The following CEP112 variants were observed in gnomAD, a reference collection of about 807,000 sequenced individuals.
CEP112 encodes the protein centrosomal protein 112.
CEP112 carries 127 observed loss-of-function variants against 153.0 expected under a neutral mutation model. That is an observed-to-expected ratio of 0.83 (90% CI 0.72 to 0.96). The LOEUF (loss-of-function observed/expected upper bound fraction) is 0.96. Among genes scored for constraint, CEP112 ranks in the 40% least tolerant of loss-of-function variants. The pLI is 0.00. For missense variants in CEP112, 1,089 were observed against 1,101.2 expected (o/e 0.99, Z 0.16); for synonymous variants, 358 against 374.4 (o/e 0.96, Z 0.51).
chr17:65,647,577 A>G (rs2045510199), intron 24 of CEP112, among the ~76,000 whole-genome samples: 1 of 150,580 alleles, frequency 6.6e-6, no homozygotes, highest in Non-Finnish European at 1.5e-5. Context: ...CCGAGGCTCA[A>G]GTGATCCTCC....
intron 23 of CEP112, among the ~76,000 whole-genome samples, chr17:65,738,124 C>T (rs1465609490): frequency 6.6e-6 from 1 of 152,150 alleles, no homozygotes; most frequent in Non-Finnish European, 1.5e-5. Flanking sequence ...AAGACAGCAC[C>T]ATCCAATCAA....
At chr17:66,118,089 G>A (rs531201996) in intron 6 of CEP112, among the ~76,000 whole-genome samples, 47 of 152,150 alleles carry the variant, frequency 3.1e-4, no homozygotes, top group Non-Finnish European at 5.0e-4. Flanking sequence ...AGCCACTATG[G>A]AGAACAGTAT....
At chr17:66,017,494 C>T (rs1390866622) in intron 16 of CEP112, among the ~76,000 whole-genome samples, 1 of 152,166 alleles carries the variant, frequency 6.6e-6, no homozygotes, top group African/African-American at 2.4e-5. Context: ...CTAGCCCATA[C>T]TCCAATAGTC....
chr17:65,660,177 C>CTCCTTCCT (rs71158401), intron 24 of CEP112, among the ~76,000 whole-genome samples: 5,531 of 139,414 alleles, frequency 0.04, 308 homozygotes, highest in African/African-American at 0.12. Context: ...ACCTTGATTT[C>CTCCTTCCT]TCCTTCCTTC....
intron 24 of CEP112, chr17:65,661,946 G>T (rs780410542): frequency 7.3e-6 from 1 of 137,634 alleles, no homozygotes; most frequent in Non-Finnish European, 1.6e-5. Context: ...GTGTGTGTGT[G>T]TGTATATATA....
At chr17:65,958,103 C>T (rs2098213869) in intron 18 of CEP112, among the ~76,000 whole-genome samples, 1 of 152,042 alleles carries the variant, frequency 6.6e-6, no homozygotes, top group South Asian at 2.1e-4. Context: ...TTTGTTTCTA[C>T]TTCTTTGGGG....
At chr17:65,984,081 C>A (rs1340805110) in intron 17 of CEP112, among the ~76,000 whole-genome samples, 1 of 152,128 alleles carries the variant, frequency 6.6e-6, no homozygotes, top group Non-Finnish European at 1.5e-5. Context: ...CTATCATTAT[C>A]TTTCAGTTTT....
At chr17:66,086,665 G>A (rs1305947335) in intron 8 of CEP112, among the ~76,000 whole-genome samples, 2 of 151,336 alleles carry the variant, frequency 1.3e-5, no homozygotes, top group African/African-American at 4.9e-5. Flanking sequence ...CTAAAGTGCT[G>A]GGATTACAGG....
intron 21 of CEP112, among the ~76,000 whole-genome samples, chr17:65,766,019 T>C (rs1332966869): frequency 6.7e-6 from 1 of 148,340 alleles, no homozygotes; most frequent in Non-Finnish European, 1.5e-5. Context: ...GAAAAGAAAA[T>C]GTATGAATTG....
At chr17:66,067,906 G>T (rs754776366) in intron 9 of CEP112, among the ~76,000 whole-genome samples, 1 of 152,098 alleles carries the variant, frequency 6.6e-6, no homozygotes. Context: ...CCCTGGATCC[G>T]CCCACAAGCA....
intron 8 of CEP112, among the ~76,000 whole-genome samples, chr17:66,083,801 A>G (rs916564590): frequency 5.3e-5 from 8 of 152,194 alleles, no homozygotes; most frequent in African/African-American, 1.9e-4. Context: ...CAGTGAGCCA[A>G]GATTGTGCCA....
At chr17:65,677,361 G>A (rs62063565) in intron 24 of CEP112, among the ~76,000 whole-genome samples, 16,936 of 152,076 alleles carry the variant, frequency 0.11, 1,109 homozygotes, top group Admixed American at 0.2. Context: ...TTTAAATGAT[G>A]CCAATTACAT....
At chr17:66,156,794 T>C (rs1377268733) in intron 4 of CEP112, among the ~76,000 whole-genome samples, 8 of 151,788 alleles carry the variant, frequency 5.3e-5, no homozygotes, top group Non-Finnish European at 1.0e-4. Flanking sequence ...AGATTAAAGA[T>C]CAACTTAATG....
At chr17:65,860,009 C>A (rs1598803975) in intron 20 of CEP112, among the ~76,000 whole-genome samples, 2 of 128,684 alleles carry the variant, frequency 1.6e-5, no homozygotes, top group Admixed American at 8.7e-5. Flanking sequence ...TGTGAGACTC[C>A]ATCTCAAAAA....
intron 8 of CEP112, among the ~76,000 whole-genome samples, chr17:66,091,068 G>A (rs1325450744): frequency 6.6e-6 from 1 of 151,966 alleles, no homozygotes; most frequent in Non-Finnish European, 1.5e-5. Flanking sequence ...GAGAGAAGGA[G>A]TGTAATACAA....
At chr17:65,766,877 C>A (rs8067136) in intron 21 of CEP112, among the ~76,000 whole-genome samples, 39,064 of 105,870 alleles carry the variant, frequency 0.37, 9,459 homozygotes, top group East Asian at 0.68. Context: ...TAGACATTAG[C>A]CATTAGAGCA....
intron 24 of CEP112, among the ~76,000 whole-genome samples, chr17:65,683,334 A>T (rs960451669): frequency 1.3e-5 from 2 of 152,232 alleles, no homozygotes; most frequent in African/African-American, 4.8e-5. Flanking sequence ...AAAATAATTT[A>T]TGAGTCACTT....
chr17:66,183,416 A>G, intron 1 of CEP112, 109 bp from the exon 2 acceptor site: 2 of 639,864 alleles, frequency 3.1e-6, no homozygotes, highest in Non-Finnish European at 5.1e-6. Flanking sequence ...AGTTCTCCCC[A>G]AATTGACCTG....
At chr17:65,745,682 G>A (rs932385944) in intron 22 of CEP112, among the ~76,000 whole-genome samples, 10 of 152,012 alleles carry the variant, frequency 6.6e-5, no homozygotes, top group African/African-American at 1.7e-4. Context: ...GAGAGGGTGC[G>A]TGTGTGTGTG....
Sources: allele counts gnomAD v4.1 joint callset (sites outside exome capture counted in the v4.1 genomes callset), GRCh38; gene constraint gnomAD v4.1.1; transcripts MANE v1.5; gene names NCBI Gene and HGNC (gene_info 2026-07-23, HGNC 2026-07-21).